The following WWOX variants were observed in gnomAD, a reference collection of about 807,000 sequenced individuals.
WWOX encodes WW domain-containing oxidoreductase.
WWOX carries 69 observed loss-of-function variants against 46.2 expected under a neutral mutation model. The ratio of observed to expected loss-of-function variants is 1.49; its 90% CI spans 1.23 to 1.82. The LOEUF is 1.82. Ranked by LOEUF, WWOX falls within the 40% of genes most tolerant of loss-of-function variation. The probability of loss-of-function intolerance (pLI) is 0.00; values close to 1 mark genes in which losing one functional copy is unlikely to be tolerated. For missense variants in WWOX, 919 were observed against 542.6 expected, an observed-to-expected ratio of 1.69 and a Z score of -6.89; for synonymous variants, 359 against 202.6, an observed-to-expected ratio of 1.77 and a Z score of -6.56.
chr16:78,604,549 A>T (rs1195740176), intron 8 of WWOX, among the ~76,000 whole-genome samples: 1 of 152,190 alleles, frequency 6.6e-6, no homozygotes, highest in Non-Finnish European at 1.5e-5. Context: ...TGAGTTTTTC[A>T]TGAGCTACGT....
At position 78,340,806 on chromosome 16, in the gene WWOX, C is replaced by G. The variant is rs1392769646; in HGVS notation, c.517-46054C>G. On this transcript the variant is annotated intron_variant, in intron 5 of 8. Transcript: ENST00000566780. ...CCAAGTGAGGGGGAGAGTTCTGAGT[C>G]TCTGCATTCAGTAGGTAAACATTTA... Among the ~76,000 whole-genome samples, 2 of 117,984 alleles carry G rather than the reference C, an allele frequency of 1.7e-5. 1 individual carries two copies. The highest frequency in any genetic ancestry group is 4.0e-5 in the Non-Finnish European group (2 of 49,858). 77.4% of individuals were successfully genotyped at this position (117,984 alleles called of 152,430 possible).
chr16:78,392,348 C>G, intron 6 of WWOX, among the ~76,000 whole-genome samples: 1 of 152,140 alleles, frequency 6.6e-6, no homozygotes, highest in East Asian at 1.9e-4. Flanking sequence ...GTCACTGCCT[C>G]CCATCACCTT....
rs914970510 is a variant in WWOX at position 78,680,453 on chromosome 16, G to T, written c.1056+247701G>T. ...GGAGGCTGAGGTGGGAGGATCGCTT[G>T]AGCCCCGGGAGGTAGAGGCATGATC... On this transcript the variant is annotated intron_variant, in intron 8 of 8. Transcript: ENST00000566780. Among the ~76,000 whole-genome samples the T allele has an allele frequency of 2.6e-5, 4 of 152,238 alleles. 2 individuals carry two copies. Among genetic ancestry groups the T allele is most frequent in the Admixed American group, 2.6e-4 (4 of 15,282 alleles).
At chr16:78,613,786 G>C (rs1416658357) in intron 8 of WWOX, among the ~76,000 whole-genome samples, 1 of 152,172 alleles carries the variant, frequency 6.6e-6, no homozygotes, top group Non-Finnish European at 1.5e-5. Flanking sequence ...CAGAAACTTT[G>C]GGGGCCGGAT....
intron 8 of WWOX, among the ~76,000 whole-genome samples, chr16:78,942,043 T>C (rs10083726): frequency 0.22 from 33,636 of 152,042 alleles, 5,954 homozygotes; most frequent in African/African-American, 0.49. Flanking sequence ...CTACCTCGCC[T>C]GGTCTAGCCG....
chr16:78,319,431 T>C (rs1012740670), intron 5 of WWOX, among the ~76,000 whole-genome samples: 11 of 152,080 alleles, frequency 7.2e-5, no homozygotes, highest in African/African-American at 2.7e-4. Flanking sequence ...GGCTAACTTT[T>C]TTGTATTTTT....
chr16:78,667,505 C>T (rs972435094), intron 8 of WWOX, among the ~76,000 whole-genome samples: 3 of 151,624 alleles, frequency 2.0e-5, no homozygotes, highest in African/African-American at 7.3e-5. Context: ...CCTGTCTCTA[C>T]TAAAAAGTAC....
At chr16:78,319,944 C>G (rs2080432180) in intron 5 of WWOX, among the ~76,000 whole-genome samples, 1 of 152,224 alleles carries the variant, frequency 6.6e-6, no homozygotes, top group African/African-American at 2.4e-5. Flanking sequence ...GACAACCCCT[C>G]TCTGAGCATC....
chr16:78,927,911 G>T (rs2045535225), intron 8 of WWOX, among the ~76,000 whole-genome samples: 1 of 152,058 alleles, frequency 6.6e-6, no homozygotes, highest in Non-Finnish European at 1.5e-5. Context: ...CATATTCCTA[G>T]CCATTCCTTT....
rs74034971 is a variant in WWOX at position 79,104,544 on chromosome 16, A to T, written c.1057-107064A>T. On this transcript the variant is annotated intron_variant, in intron 8 of 8. Coordinates refer to ENST00000566780, the MANE Select transcript of WWOX (RefSeq NM_016373.4). ...CCGAGAAATATTAGTTGACAACTTG[A>T]CATCAAATTATGTACGGTTAAGTAT... Among the ~76,000 whole-genome samples, 627 of 152,338 alleles carry T rather than the reference A, an allele frequency of 4.1e-3. 5 individuals are homozygous for T. Among genetic ancestry groups the T allele is most frequent in the African/African-American group, 0.014 (596 of 41,582 alleles).
At chr16:78,668,352 A>C (rs1412125190) in intron 8 of WWOX, among the ~76,000 whole-genome samples, 1 of 151,926 alleles carries the variant, frequency 6.6e-6, no homozygotes, top group African/African-American at 2.4e-5. Flanking sequence ...GTTCGACTTG[A>C]CTCCTCTTGG....
At chr16:78,621,231 C>G (rs187737015) in intron 8 of WWOX, among the ~76,000 whole-genome samples, 20 of 152,292 alleles carry the variant, frequency 1.3e-4, no homozygotes, top group Non-Finnish European at 1.9e-4. Flanking sequence ...GGCTGCCAAG[C>G]TCGGTGGAAT....
chr16:78,227,344 G>A (rs2037097929), intron 5 of WWOX, among the ~76,000 whole-genome samples: 2 of 146,418 alleles, frequency 1.4e-5, no homozygotes, highest in South Asian at 4.5e-4. Context: ...AGGTAATCAT[G>A]TGTTACCTGA....
At chr16:78,436,711 G>A (rs1257109942) in intron 8 of WWOX, among the ~76,000 whole-genome samples, 2 of 152,108 alleles carry the variant, frequency 1.3e-5, no homozygotes, top group Non-Finnish European at 2.9e-5. Context: ...AAACATTTAG[G>A]ACTCTGTATT....
chr16:78,462,166 T>A (rs952144533), intron 8 of WWOX, among the ~76,000 whole-genome samples: 1 of 152,156 alleles, frequency 6.6e-6, no homozygotes, highest in African/African-American at 2.4e-5. Flanking sequence ...GTGGAAAAGG[T>A]AATTTAAGCA....
At chr16:78,465,977 C>T (rs112551601) in intron 8 of WWOX, among the ~76,000 whole-genome samples, 1,782 of 151,996 alleles carry the variant, frequency 0.012, 45 homozygotes, top group African/African-American at 0.041. Flanking sequence ...GTTTCTGGGG[C>T]GGCGGGGAGT....
At chr16:78,671,458 A>T (rs528907997) in intron 8 of WWOX, among the ~76,000 whole-genome samples, 3 of 152,146 alleles carry the variant, frequency 2.0e-5, no homozygotes, top group Non-Finnish European at 2.9e-5. Flanking sequence ...ATAAATTTCT[A>T]TTGTTTTAAG....
At chr16:78,968,873 A>T (rs564903474) in intron 8 of WWOX, among the ~76,000 whole-genome samples, 1 of 152,134 alleles carries the variant, frequency 6.6e-6, no homozygotes, top group Admixed American at 6.5e-5. Context: ...GGGACTTGGA[A>T]TGTTTGTCAC....
intron 8 of WWOX, among the ~76,000 whole-genome samples, chr16:78,915,286 C>T (rs949484507): frequency 1.3e-5 from 2 of 152,198 alleles, no homozygotes; most frequent in African/African-American, 4.8e-5. Flanking sequence ...AGAATCTGGT[C>T]ACCTGTCCTT....
Sources: gnomAD v4.1 joint callset for allele counts (sites outside exome capture counted in the v4.1 genomes callset) on GRCh38, gnomAD v4.1.1 for gene constraint, MANE v1.5 for transcripts, NCBI Gene and HGNC (gene_info 2026-07-23, HGNC 2026-07-21) for gene names.